The following CNTN6 variants were observed in gnomAD, a reference collection of about 807,000 sequenced individuals.
CNTN6 encodes the protein contactin 6.
Under a neutral mutation model 122.8 loss-of-function variants are expected in CNTN6, and 137 were observed. That is an observed-to-expected ratio of 1.12 (90% CI 0.97 to 1.29). The LOEUF is 1.29. Among genes scored for constraint, CNTN6 ranks in the 50% most tolerant of loss-of-function variants. The pLI, the probability that CNTN6 is intolerant of heterozygous loss-of-function variation, is 0.00. For missense variants in CNTN6, 1,634 were observed against 1,223.4 expected (o/e 1.34, Z -5.01); for synonymous variants, 570 against 426.0 (o/e 1.34, Z -4.16).
chr3:1,149,292 C>T (rs941796232), intron 2 of CNTN6, among the ~76,000 whole-genome samples: 6 of 152,164 alleles, frequency 3.9e-5, no homozygotes, highest in African/African-American at 7.2e-5. Flanking sequence ...ATCAAAGAAG[C>T]CTCTCTTCTA....
chr3:1,395,226 C>A (rs565932932), intron 20 of CNTN6, among the ~76,000 whole-genome samples: 125 of 152,280 alleles, frequency 8.2e-4, no homozygotes, highest in African/African-American at 2.8e-3. Context: ...ATTGTGAAAG[C>A]AGAAGAGTAA....
chr3:1,401,550 G>A lies in CNTN6; in HGVS notation c.2817+5G>A. The A allele has an allele frequency of 8.8e-6, 14 of 1,589,498 alleles. No individual in the cohort carries two copies. The highest frequency in any genetic ancestry group is 1.2e-5 in the Non-Finnish European group (14 of 1,161,774). Reference sequence around the variant, plus strand: ...TCTGAAGTTTTGGGGTACAAGGTGAGTTTTTAGTTTTTCCTTTAATCATAT... The same window carrying A: ...TCTGAAGTTTTGGGGTACAAGGTGAATTTTTAGTTTTTCCTTTAATCATAT... On this transcript the variant is annotated splice_donor_5th_base_variant and intron_variant, in intron 21 of 22. Coordinates refer to ENST00000446702, the MANE Select transcript of CNTN6 (RefSeq NM_001289080.2).
intron 7 of CNTN6, among the ~76,000 whole-genome samples, chr3:1,317,888 T>TAAAAAAAAAAAAAA (rs76953561): frequency 7.6e-6 from 1 of 130,750 alleles, no homozygotes; most frequent in Non-Finnish European, 1.7e-5. Flanking sequence ...AAATGCAGGT[T>TAAAAAAAAAAAAAA]AAAAAAAAAA....
chr3:1,365,550 AAG>A (rs1708094374), intron 12 of CNTN6, among the ~76,000 whole-genome samples: 1 of 152,066 alleles, frequency 6.6e-6, no homozygotes, highest in Admixed American at 6.6e-5. Flanking sequence ...CTTATATACC[AAG>A]ATATACTTCC....
At chr3:1,124,111 G>A (rs1281027788) in intron 1 of CNTN6, among the ~76,000 whole-genome samples, 1 of 151,818 alleles carries the variant, frequency 6.6e-6, no homozygotes, top group African/African-American at 2.4e-5. Flanking sequence ...GTTTATATTA[G>A]CAATGTCAAG....
chr3:1,177,756 CT>C lies in CNTN6; in HGVS notation c.55+29700del, dbSNP rs1217464837. Among the ~76,000 whole-genome samples the C allele has an allele frequency of 5.9e-5, 9 of 151,754 alleles. No homozygotes were observed. The East Asian group carries it at 9.7e-4, about 16-fold the overall frequency. On this transcript the variant is annotated intron_variant, in intron 2 of 22. Coordinates refer to ENST00000446702, the MANE Select transcript of CNTN6 (RefSeq NM_001289080.2). ...GATTTCTGAAGGGAAATATTCTTTA[CT>C]TTTTTTATTTTTCGGTATATATGTA...
chr3:1,247,023 A>G lies in CNTN6; in HGVS notation c.358+19030A>G, dbSNP rs2094591742. ...AAACAGAAAAATTTAAATTTAACAT[A>G]GTTCAATCTATTGGTCTTTTTCTTT... On this transcript the variant is annotated intron_variant, in intron 4 of 22. Coordinates refer to ENST00000446702, the MANE Select transcript of CNTN6 (RefSeq NM_001289080.2). 2.0e-5 allele frequency among the ~76,000 whole-genome samples: 3 copies of G among 151,460 alleles called. No individual in the cohort carries two copies. In the South Asian group the frequency reaches 6.2e-4, roughly 31 times the overall value.
intron 7 of CNTN6, among the ~76,000 whole-genome samples, chr3:1,300,551 GAA>G (rs1697116529): frequency 9.1e-5 from 8 of 88,012 alleles, no homozygotes; most frequent in South Asian, 5.6e-4. Flanking sequence ...GAAAGAAAGA[GAA>G]AGAAAAAGAA....
intron 20 of CNTN6, 105 bp from the exon 21 acceptor site, chr3:1,401,328 C>T (rs996168611): frequency 2.3e-6 from 2 of 853,580 alleles, no homozygotes; most frequent in Non-Finnish European, 3.8e-6. Flanking sequence ...TTAGCTCCTT[C>T]TATGCAAATC....
chr3:1,158,340 A>G (rs2093024452), intron 2 of CNTN6, among the ~76,000 whole-genome samples: 1 of 152,226 alleles, frequency 6.6e-6, no homozygotes, highest in Non-Finnish European at 1.5e-5. Flanking sequence ...TCTTTTGAGA[A>G]ATAGCTATTC....
At chr3:1,176,944 C>T (rs1028632279) in intron 2 of CNTN6, among the ~76,000 whole-genome samples, 2 of 152,108 alleles carry the variant, frequency 1.3e-5, no homozygotes, top group Non-Finnish European at 2.9e-5. Flanking sequence ...TCTACTACAA[C>T]CAAGTGATCA....
intron 1 of CNTN6, among the ~76,000 whole-genome samples, chr3:1,096,253 TTGTG>T (rs763508099): frequency 6.6e-6 from 1 of 150,796 alleles, no homozygotes; most frequent in East Asian, 1.9e-4. Context: ...GATTCTTTTG[TTGTG>T]TGTGTGTGTG....
At chr3:1,385,540 A>T in intron 19 of CNTN6, 71 bp from the exon 20 acceptor site, 2 of 1,228,630 alleles carry the variant, frequency 1.6e-6, no homozygotes, top group Non-Finnish European at 2.3e-6. Context: ...TGTGGTTGAT[A>T]GTTGTTGGTA....
chr3:1,147,905 A>T, intron 1 of CNTN6, 22 bp from the exon 2 acceptor site: 1 of 722,812 alleles, frequency 1.4e-6, no homozygotes, highest in Admixed American at 2.1e-5. Context: ...TTTTCATTTC[A>T]TGACAATTTT....
intron 1 of CNTN6, among the ~76,000 whole-genome samples, chr3:1,110,118 A>G (rs1173919759): frequency 1.3e-5 from 2 of 151,920 alleles, no homozygotes; most frequent in African/African-American, 4.8e-5. Flanking sequence ...TGTTTTTCAC[A>G]TCTGATATTT....
At chr3:1,362,152 T>C (rs1467266514) in intron 12 of CNTN6, among the ~76,000 whole-genome samples, 1 of 152,116 alleles carries the variant, frequency 6.6e-6, no homozygotes, top group Non-Finnish European at 1.5e-5. Context: ...TCAATTCATA[T>C]CAGTTTCGGA....
At chr3:1,203,483 G>A (rs1253718197) in intron 2 of CNTN6, among the ~76,000 whole-genome samples, 1 of 152,224 alleles carries the variant, frequency 6.6e-6, no homozygotes, top group Non-Finnish European at 1.5e-5. Flanking sequence ...TACGTGACAG[G>A]AATGCGGGAT....
chr3:1,098,793 TATATATA>T (rs2090690278), intron 1 of CNTN6, among the ~76,000 whole-genome samples: 1 of 88,720 alleles, frequency 1.1e-5, no homozygotes, highest in African/African-American at 1.7e-4. Context: ...CACACACATA[TATATATA>T]TATATATATA....
At chr3:1,294,176 A>G (rs1307794018) in intron 5 of CNTN6, among the ~76,000 whole-genome samples, 1 of 152,172 alleles carries the variant, frequency 6.6e-6, no homozygotes, top group African/African-American at 2.4e-5. Context: ...ATACATAATG[A>G]CCTCAATCTG....
Sources: allele counts gnomAD v4.1 joint callset (sites outside exome capture counted in the v4.1 genomes callset), GRCh38; gene constraint gnomAD v4.1.1; transcripts MANE v1.5; gene names NCBI Gene and HGNC (gene_info 2026-07-23, HGNC 2026-07-21).